SNX31: variants seen among roughly 807,000 people sequenced by gnomAD.
The protein encoded by SNX31 is sorting nexin-31.
Under a neutral mutation model 65.4 loss-of-function variants are expected in SNX31, and 58 were observed. The ratio of observed to expected loss-of-function variants is 0.89; its 90% CI spans 0.72 to 1.10. SNX31 has a LOEUF of 1.10. SNX31 is among the 50% of genes least tolerant of loss of function. The probability of loss-of-function intolerance (pLI) is 0.00; values close to 1 mark genes in which losing one functional copy is unlikely to be tolerated. For missense variants in SNX31, 523 were observed against 529.7 expected, an observed-to-expected ratio of 0.99 and a Z score of 0.12; for synonymous variants, 181 against 190.1, an observed-to-expected ratio of 0.95 and a Z score of 0.39.
In SNX31 at chr8:100,617,668, A is replaced by T; in HGVS notation, c.384T>A (p.Ser128Arg). Residue 128 changes from serine (S) to arginine (R), a missense_variant, in exon 5 of 14, where the codon AGT (serine) becomes AGA (arginine). Transcript: ENST00000311812. ...YLDIFLPNEQSIRIEIITSDT... is the reference protein window; with the variant it reads ...YLDIFLPNEQRIRIEIITSDT... ...CTGATGTTATAATTTCGATTCTAAT[A>T]CTCTGTTCATTGGGCAGAAATATGT... The T allele has an allele frequency of 1.9e-6, 3 of 1,610,864 alleles. No individual in the cohort carries two copies.
At chr8:100,590,703 T>A (rs560778833) in intron 10 of SNX31, among the ~76,000 whole-genome samples, 1 of 152,100 alleles carries the variant, frequency 6.6e-6, no homozygotes, top group South Asian at 2.1e-4. Context: ...AATCACTTGA[T>A]CCTGGGAGGT....
intron 1 of SNX31, among the ~76,000 whole-genome samples, chr8:100,659,552 G>A (rs949982225): frequency 4.6e-5 from 7 of 152,050 alleles, no homozygotes; most frequent in South Asian, 2.1e-4. Flanking sequence ...TACAAGTAAC[G>A]AGAATGTTTC....
Position 100,622,006 on chromosome 8 carries a change from A to G in SNX31, c.322-4276T>C, listed in dbSNP as rs1391676904. ...GAGCAGGGTTTGGGGTAGAGGTGAG[A>G]AGTGGGAGGCAGCCAACCTTCCACA... On this transcript the variant is annotated intron_variant, in intron 4 of 13. Coordinates refer to ENST00000311812, the MANE Select transcript of SNX31 (RefSeq NM_152628.4). The surrounding 1 kb of genome is among the most constrained non-coding windows in gnomAD (Gnocchi z 5.0). Among the ~76,000 whole-genome samples, 1 of 152,236 alleles carries G rather than the reference A, an allele frequency of 6.6e-6. No homozygotes were observed. Among genetic ancestry groups the G allele is most frequent in the Middle Eastern group, 3.2e-3 (1 of 316 alleles).
chr8:100,653,758 A>G (rs954762525), upstream of SNX31, among the ~76,000 whole-genome samples: 17 of 152,260 alleles, frequency 1.1e-4, no homozygotes, highest in African/African-American at 4.1e-4. Flanking sequence ...CTGTGGCCAC[A>G]GTCAGCCTCA....
Position 100,612,911 on chromosome 8 carries a change from C to T in SNX31, c.523+84G>A. The T allele has an allele frequency of 2.5e-6, 3 of 1,177,582 alleles. No individual in the cohort carries two copies. The South Asian group carries it at 3.7e-5, about 14-fold the overall frequency. 72.9% of individuals were successfully genotyped at this position (1,177,582 alleles called of 1,614,324 possible). On this transcript the variant is annotated intron_variant, in intron 6 of 13. Coordinates refer to ENST00000311812, the MANE Select transcript of SNX31 (RefSeq NM_152628.4). The surrounding 1 kb of genome is among the most constrained non-coding windows in gnomAD (Gnocchi z 4.3). ...GGATCACAGCCCAGTGGGTGGCCAGCCCCTCAGCTGTGACTCCTATGAGCC... is the reference window on the plus strand; with the variant it reads ...GGATCACAGCCCAGTGGGTGGCCAGTCCCTCAGCTGTGACTCCTATGAGCC...
chr8:100,616,653 A>T (rs185728235), intron 5 of SNX31, among the ~76,000 whole-genome samples: 1 of 152,226 alleles, frequency 6.6e-6, no homozygotes. Flanking sequence ...TAGCTGGGAA[A>T]CAATGAGGGC....
chr8:100,641,565 A>AAAT lies in SNX31; in HGVS notation c.142-5555_142-5554insATT, dbSNP rs1554587369. Among the ~76,000 whole-genome samples the AAAT allele has an allele frequency of 8.4e-4, 27 of 32,106 alleles. 1 individual carries two copies. The highest frequency in any genetic ancestry group is 1.9e-3 in the Admixed American group (4 of 2,086). The allele number at this position is 32,106 out of a possible 152,430, so 21.1% of individuals were successfully genotyped here. ...TGTCTCAAAAAAAAAAAAAAAAAAA[A>AAAT]ATATATATATATATATATATATATA... On this transcript the variant is annotated intron_variant, in intron 2 of 13. Coordinates refer to ENST00000311812, the MANE Select transcript of SNX31 (RefSeq NM_152628.4).
At position 100,612,445 on chromosome 8, in the gene SNX31, A is replaced by G. The variant is rs1174985834; in HGVS notation, c.524-358T>C. On this transcript the variant is annotated intron_variant, in intron 6 of 13. Transcript: ENST00000311812. The surrounding 1 kb of genome is among the most constrained non-coding windows in gnomAD (Gnocchi z 4.3). Reference sequence around the variant, plus strand: ...AACCACCTCCCCTGGCTTCTTGAGGACATTTATAAACTACTTTAATATAAC... The same window carrying G: ...AACCACCTCCCCTGGCTTCTTGAGGGCATTTATAAACTACTTTAATATAAC... Among the ~76,000 whole-genome samples the G allele has an allele frequency of 6.6e-6, 1 of 151,718 alleles. No homozygotes were observed. Among genetic ancestry groups the G allele is most frequent in the African/African-American group, 2.4e-5 (1 of 41,224 alleles).
chr8:100,583,207 A>G (rs759331011), intron 12 of SNX31, among the ~76,000 whole-genome samples: 31 of 151,506 alleles, frequency 2.0e-4, no homozygotes, highest in Non-Finnish European at 2.9e-4. Context: ...TCTGGGATCA[A>G]GCAATTCTCC....
At chr8:100,597,122 C>G (rs1303426597) in intron 9 of SNX31, among the ~76,000 whole-genome samples, 1 of 151,742 alleles carries the variant, frequency 6.6e-6, no homozygotes, top group Non-Finnish European at 1.5e-5. Context: ...GCTTGGTACA[C>G]AGTGGAAATG....
intron 9 of SNX31, 118 bp from the exon 10 acceptor site, chr8:100,596,960 G>A (rs1405466366): frequency 3.6e-6 from 3 of 823,208 alleles, no homozygotes; most frequent in Non-Finnish European, 4.0e-6. Context: ...ACATGGAACT[G>A]AGTCACAGTG....
At chr8:100,605,175 A>C (rs1295247197) in intron 8 of SNX31, among the ~76,000 whole-genome samples, 2 of 152,192 alleles carry the variant, frequency 1.3e-5, no homozygotes, top group African/African-American at 4.8e-5. Context: ...CTGGGATTAC[A>C]AGTGTGAGCC....
At chr8:100,663,552 C>T (rs1809824643), upstream of SNX31, 1 of 147,704 alleles carries the variant, frequency 6.8e-6, no homozygotes. Context: ...CCTCTGGAAA[C>T]CCTATCGGAG....
Position 100,588,683 on chromosome 8 carries a change from G to A in SNX31, c.1092+183C>T, listed in dbSNP as rs1363119986. On this transcript the variant is annotated intron_variant, in intron 11 of 13. Transcript: ENST00000311812. This position sits in a 1 kb window ranked among gnomAD's most constrained non-coding sequence, Gnocchi z 4.8. Reference sequence around the variant, plus strand: ...CATTTCTAACTGATACAAAGGCCACGGTGACTAGTAAAATATAACAAAACA... The same window carrying A: ...CATTTCTAACTGATACAAAGGCCACAGTGACTAGTAAAATATAACAAAACA... Among the ~76,000 whole-genome samples the A allele has an allele frequency of 1.3e-5, 2 of 152,096 alleles. No homozygotes were observed. Among genetic ancestry groups the A allele is most frequent in the Non-Finnish European group, 1.5e-5 (1 of 68,022 alleles).
At chr8:100,587,797 GT>G (rs1308006782) in intron 11 of SNX31, among the ~76,000 whole-genome samples, 12 of 152,142 alleles carry the variant, frequency 7.9e-5, no homozygotes, top group African/African-American at 2.4e-4. Context: ...TGAATTTCAT[GT>G]TTAGACTTGG....
intron 12 of SNX31, among the ~76,000 whole-genome samples, chr8:100,581,802 T>C (rs1321773130): frequency 2.0e-5 from 3 of 152,122 alleles, no homozygotes; most frequent in Non-Finnish European, 4.4e-5. Context: ...TTATATGGTT[T>C]CCTTGAGCCA....
chr8:100,573,987 AT>A lies in SNX31; in HGVS notation c.1228-28del. The stretch of plus-strand genomic sequence containing the variant: ...TGTGAAGTAAACAGAGAGGTCAGAA[AT>A]GTAAATGAAAGGAAATCATTTCCAT... On this transcript the variant is annotated intron_variant, in intron 13 of 13. Transcript: ENST00000311812. 3 of 1,304,456 alleles carry A rather than the reference AT, an allele frequency of 2.3e-6. No homozygotes were observed. In the South Asian group the frequency reaches 4.2e-5, roughly 18 times the overall value. 80.8% of individuals were successfully genotyped at this position (1,304,456 alleles called of 1,614,324 possible).
intron 10 of SNX31, among the ~76,000 whole-genome samples, chr8:100,593,829 C>G (rs7824503): frequency 0.027 from 4,124 of 152,082 alleles, 186 homozygotes; most frequent in African/African-American, 0.092. Context: ...ATGTAAAACC[C>G]CTAACTGTAA....
At chr8:100,586,486 C>T (rs1471553630) in intron 11 of SNX31, among the ~76,000 whole-genome samples, 2 of 152,194 alleles carry the variant, frequency 1.3e-5, no homozygotes, top group African/African-American at 4.8e-5. Flanking sequence ...GTGGTTTAAA[C>T]TCATTTGCTA....
Sources: gnomAD v4.1 joint callset for allele counts (sites outside exome capture counted in the v4.1 genomes callset) on GRCh38, gnomAD v4.1.1 for gene constraint, Gnocchi (gnomAD v3.1) non-coding constraint, MANE v1.5 for transcripts, NCBI Gene and HGNC (gene_info 2026-07-23, HGNC 2026-07-21) for gene names.